The following SCRG1 variants were observed in gnomAD, a reference collection of about 807,000 sequenced individuals.
SCRG1 encodes the protein stimulator of chondrogenesis 1, also known as scrapie-responsive protein 1.
A neutral mutation model predicts 7.7 loss-of-function variants in SCRG1; 3 were observed. That is an observed-to-expected ratio of 0.39 (90% CI 0.18 to 1.01). The LOEUF (loss-of-function observed/expected upper bound fraction) is 1.01, where lower values mean the gene tolerates loss of function less well. Among genes scored for constraint, SCRG1 ranks in the 50% least tolerant of loss-of-function variants. The pLI, the probability that SCRG1 is intolerant of heterozygous loss-of-function variation, is 0.36. For missense variants in SCRG1, 110 were observed against 117.2 expected (o/e 0.94, Z 0.28); for synonymous variants, 46 against 41.2 (o/e 1.12, Z -0.44).
At chr4:173,399,260 A>C (rs1333700988), upstream of SCRG1, 1 of 151,998 alleles carries the variant, frequency 6.6e-6, no homozygotes, top group Non-Finnish European at 1.5e-5. Flanking sequence ...GGAGGAGGGG[A>C]GTGGAAGGAG....
At chr4:173,470,768 A>C in the SCRG1 span, among the ~76,000 whole-genome samples, 1 of 152,348 alleles carries the variant, frequency 6.6e-6, no homozygotes, top group East Asian at 1.9e-4. Context: ...AGTTTCTTCA[A>C]GTTACATATG....
chr4:173,509,520 C>G, the SCRG1 span, among the ~76,000 whole-genome samples: 1 of 152,202 alleles, frequency 6.6e-6, no homozygotes, highest in East Asian at 1.9e-4. This position sits in a 1 kb window ranked among gnomAD's most constrained non-coding sequence, Gnocchi z 5.7. Flanking sequence ...GCGGGACCTG[C>G]GCTCGCAGCC....
the SCRG1 span, among the ~76,000 whole-genome samples, chr4:173,493,922 G>C: frequency 6.6e-6 from 1 of 152,104 alleles, no homozygotes; most frequent in Non-Finnish European, 1.5e-5. Context: ...CAATATAATA[G>C]TAAAATGAGG....
chr4:173,508,377 A>G, the SCRG1 span, among the ~76,000 whole-genome samples: 3 of 152,172 alleles, frequency 2.0e-5, no homozygotes, highest in African/African-American at 4.8e-5. This position sits in a 1 kb window ranked among gnomAD's most constrained non-coding sequence, Gnocchi z 4.4. Flanking sequence ...AATTTCTCCA[A>G]CTAACTCCAG....
At chr4:173,447,107 C>T in the SCRG1 span, among the ~76,000 whole-genome samples, 2 of 152,182 alleles carry the variant, frequency 1.3e-5, no homozygotes, top group Non-Finnish European at 2.9e-5. Context: ...GGCTTAACAA[C>T]AAACATTTAT....
chr4:173,416,946 A>G, the SCRG1 span, among the ~76,000 whole-genome samples: 1 of 134,674 alleles, frequency 7.4e-6, no homozygotes. Flanking sequence ...ACACACACAC[A>G]CACACACAGT....
upstream of SCRG1, among the ~76,000 whole-genome samples, chr4:173,400,798 C>T (rs570866827): frequency 9.9e-5 from 15 of 152,244 alleles, no homozygotes; most frequent in South Asian, 2.1e-4. Context: ...CAGAAAATGG[C>T]GAGACCCTGG....
chr4:173,516,362 A>G, the SCRG1 span, among the ~76,000 whole-genome samples: 35 of 152,382 alleles, frequency 2.3e-4, no homozygotes, highest in African/African-American at 8.4e-4. Flanking sequence ...CCTGCAATGC[A>G]GAGAAAATAT....
chr4:173,483,214 TATA>T, the SCRG1 span, among the ~76,000 whole-genome samples: 1 of 21,806 alleles, frequency 4.6e-5, no homozygotes. Flanking sequence ...TGATATATCA[TATA>T]ATATATATAT....
At chr4:173,433,050 A>T in the SCRG1 span, among the ~76,000 whole-genome samples, 3 of 152,246 alleles carry the variant, frequency 2.0e-5, no homozygotes, top group East Asian at 5.8e-4. Flanking sequence ...TGCTTTGCAG[A>T]TATTCTGTTT....
the SCRG1 span, among the ~76,000 whole-genome samples, chr4:173,516,619 G>A: frequency 6.6e-6 from 1 of 152,210 alleles, no homozygotes; most frequent in African/African-American, 2.4e-5. Flanking sequence ...CGCCCCAAGA[G>A]TATTTATTTC....
At chr4:173,421,439 T>C in the SCRG1 span, among the ~76,000 whole-genome samples, 1 of 151,972 alleles carries the variant, frequency 6.6e-6, no homozygotes, top group South Asian at 2.1e-4. Context: ...ATTTGTTGCA[T>C]TTTTTTATGT....
At chr4:173,449,442 T>A in the SCRG1 span, among the ~76,000 whole-genome samples, 1 of 150,606 alleles carries the variant, frequency 6.6e-6, no homozygotes, top group East Asian at 1.9e-4. Flanking sequence ...AATCTTTTTT[T>A]TTTTTTTTTT....
At chr4:173,412,482 C>T in the SCRG1 span, among the ~76,000 whole-genome samples, 5 of 152,176 alleles carry the variant, frequency 3.3e-5, no homozygotes, top group African/African-American at 1.2e-4. Flanking sequence ...TTTGCTTTGC[C>T]TCTTAACATC....
At chr4:173,455,410 C>A in the SCRG1 span, among the ~76,000 whole-genome samples, 2 of 152,080 alleles carry the variant, frequency 1.3e-5, no homozygotes, top group African/African-American at 4.8e-5. Context: ...TGTCAAGAAC[C>A]CCAAGGTTCC....
chr4:173,479,852 G>T, the SCRG1 span, among the ~76,000 whole-genome samples: 5 of 152,164 alleles, frequency 3.3e-5, no homozygotes, highest in African/African-American at 1.2e-4. Context: ...TATCTTAATA[G>T]TAAAGAGAAT....
the SCRG1 span, chr4:173,419,856 G>GGGCCAGGAGCA: frequency 8.1e-7 from 1 of 1,238,304 alleles, no homozygotes. Flanking sequence ...AGAAGCCTGC[G>GGGCCAGGAGCA]GGCCAGCAGC....
At chr4:173,434,069 G>A in the SCRG1 span, among the ~76,000 whole-genome samples, 8 of 152,018 alleles carry the variant, frequency 5.3e-5, no homozygotes, top group Non-Finnish European at 8.8e-5. Flanking sequence ...CCATTTTCTC[G>A]ACCGGACCTC....
chr4:173,403,882 G>A (rs555333423), upstream of SCRG1, among the ~76,000 whole-genome samples: 6 of 152,274 alleles, frequency 3.9e-5, no homozygotes, highest in East Asian at 1.2e-3. Flanking sequence ...GTGTCAACGT[G>A]TATTCTTTCG....
Sources: allele counts gnomAD v4.1 joint callset (sites outside exome capture counted in the v4.1 genomes callset), GRCh38; gene constraint gnomAD v4.1.1; non-coding constraint Gnocchi (gnomAD v3.1); transcripts MANE v1.5; gene names NCBI Gene and HGNC (gene_info 2026-07-23, HGNC 2026-07-21).